Variants in DYSF observed in about 807,000 individuals in gnomAD.
The protein encoded by DYSF is dysferlin.
Under a neutral mutation model 274.9 loss-of-function variants are expected in DYSF, and 212 were observed. The ratio of observed to expected loss-of-function variants is 0.77; its 90% CI spans 0.69 to 0.86. The LOEUF is 0.86. Ranked by LOEUF, DYSF falls within the 40% of genes least tolerant of loss-of-function variation. The pLI, the probability that DYSF is intolerant of heterozygous loss-of-function variation, is 0.00. For synonymous variants in DYSF, 1,091 were observed against 1,078.7 expected (o/e 1.01, Z -0.22); for missense variants, 2,666 against 2,783.2 (o/e 0.96, Z 0.95).
At chr2:71,586,930 C>T (rs996004393) in intron 30 of DYSF, among the ~76,000 whole-genome samples, 1 of 152,156 alleles carries the variant, frequency 6.6e-6, no homozygotes, top group Non-Finnish European at 1.5e-5. Context: ...GCAGCTGAGT[C>T]CACCCCCTAT....
intron 29 of DYSF, among the ~76,000 whole-genome samples, chr2:71,571,636 AC>A (rs1451659326): frequency 5.5e-4 from 68 of 124,074 alleles, no homozygotes; most frequent in Admixed American, 9.1e-4. Flanking sequence ...CACACCCAGC[AC>A]ATGCAGAGAT....
In DYSF at chr2:71,556,003, G is replaced by A. The variant is rs201239189; in HGVS notation, c.2148G>A (p.Ala716=). 2.1e-5 allele frequency: 33 copies of A among 1,574,618 alleles called. No homozygotes were observed. Among genetic ancestry groups the A allele is most frequent in the Middle Eastern group, 3.8e-4 (2 of 5,332 alleles). ...GLEQVHLALK[A]QCSTEDVDSL... ...AGCAGGTCCACCTGGCCCTGAAGGC[G>A]CAGTGCTCCACGGAGGACGTGGACT... The change falls in exon 22 of 56, where the codon GCG becomes GCA. Residue 716 remains alanine (A), a synonymous_variant. Coordinates refer to ENST00000410020, the MANE Select transcript of DYSF (RefSeq NM_001130987.2).
intron 42 of DYSF, among the ~76,000 whole-genome samples, chr2:71,655,341 T>C (rs779973048): frequency 6.6e-6 from 1 of 152,182 alleles, no homozygotes; most frequent in African/African-American, 2.4e-5. Context: ...TTAGAAAAGA[T>C]AGAACTTGAC....
At chr2:71,487,817 G>A (rs1017352092) in intron 3 of DYSF, among the ~76,000 whole-genome samples, 12 of 152,116 alleles carry the variant, frequency 7.9e-5, no homozygotes, top group African/African-American at 2.9e-4. Context: ...TCTGATGCTG[G>A]CACTTCTGAA....
chr2:71,496,944 C>T (rs1438252763), intron 3 of DYSF, among the ~76,000 whole-genome samples: 1 of 152,176 alleles, frequency 6.6e-6, no homozygotes, highest in Non-Finnish European at 1.5e-5. Context: ...AGGAGGCTCA[C>T]TGTAGAGTTC....
Position 71,668,756 on chromosome 2 carries a change from G to T in DYSF, c.5460G>T (p.Gly1820=), listed in dbSNP as rs549937720. The stretch of plus-strand genomic sequence containing the variant: ...GAGAACGGACCCTGTCTCCGCAGGG[G>T]AAGCTGCAGATGTGGGTCGACCTAT... ...YSPLQPDIEQ[G]KLQMWVDLFP... Residue 1820 remains glycine, a splice_region_variant and synonymous_variant, in exon 49 of 56, where the codon GGG becomes GGT. Coordinates refer to ENST00000410020, the MANE Select transcript of DYSF (RefSeq NM_001130987.2). The T allele has an allele frequency of 6.2e-7, 1 of 1,613,664 alleles. No individual in the cohort carries two copies.
intron 32 of DYSF, among the ~76,000 whole-genome samples, chr2:71,596,261 CT>C (rs1179764441): frequency 6.6e-6 from 1 of 152,126 alleles, no homozygotes; most frequent in Non-Finnish European, 1.5e-5. Context: ...AGGAGTCAGC[CT>C]GCTCGGGGGC....
intron 12 of DYSF, among the ~76,000 whole-genome samples, chr2:71,525,985 G>A (rs763369555): frequency 7.2e-5 from 11 of 152,216 alleles, no homozygotes; most frequent in Non-Finnish European, 1.3e-4. Context: ...CATTACTGGA[G>A]ATGTTCCTCG....
At chr2:71,542,257 A>C (rs2089989690) in intron 17 of DYSF, among the ~76,000 whole-genome samples, 2 of 152,328 alleles carry the variant, frequency 1.3e-5, no homozygotes, top group East Asian at 3.9e-4. Flanking sequence ...GCTGTTTATC[A>C]TCATTAAGAT....
At chr2:71,519,061 C>A (rs1446575902) in intron 10 of DYSF, among the ~76,000 whole-genome samples, 2 of 130,574 alleles carry the variant, frequency 1.5e-5, no homozygotes, top group East Asian at 2.1e-4. Context: ...CCATTGCACT[C>A]CAGCCTGGAT....
intron 17 of DYSF, among the ~76,000 whole-genome samples, chr2:71,545,121 G>C (rs892058188): frequency 1.3e-5 from 2 of 152,218 alleles, no homozygotes; most frequent in African/African-American, 4.8e-5. Flanking sequence ...TAGGCTGCCA[G>C]AGGGGAAGCC....
chr2:71,455,601 T>C (rs1164421872), intron 1 of DYSF, among the ~76,000 whole-genome samples: 1 of 152,192 alleles, frequency 6.6e-6, no homozygotes, highest in Admixed American at 6.5e-5. Context: ...GGCTGAGGGC[T>C]CTGGGCTCCT....
chr2:71,647,784 T>C (rs2094590283), intron 42 of DYSF, among the ~76,000 whole-genome samples: 1 of 152,260 alleles, frequency 6.6e-6, no homozygotes, highest in African/African-American at 2.4e-5. Flanking sequence ...GGGTTTATTA[T>C]CTATTCTCTT....
chr2:71,469,541 T>C (rs2081815160), intron 1 of DYSF, among the ~76,000 whole-genome samples: 1 of 152,176 alleles, frequency 6.6e-6, no homozygotes, highest in Admixed American at 6.5e-5. Flanking sequence ...TGTGTTTGGC[T>C]CCTACAGGCA....
At chr2:71,513,398 G>T in intron 6 of DYSF, 66 bp downstream of exon 6, 1 of 1,498,956 alleles carries the variant, frequency 6.7e-7, no homozygotes, top group South Asian at 1.2e-5. Flanking sequence ...TAGCTGCCAT[G>T]GTCAGCTTGC....
intron 1 of DYSF, among the ~76,000 whole-genome samples, chr2:71,472,686 G>A (rs377241036): frequency 1.4e-3 from 209 of 152,316 alleles, no homozygotes; most frequent in African/African-American, 4.7e-3. Flanking sequence ...GATTACAGGC[G>A]TGAGCCACCG....
rs1194499179 is a variant in DYSF, at chr2:71,556,072, G to A, written c.2216+1G>A. 1.3e-6 allele frequency: 2 copies of A among 1,564,888 alleles called. No homozygotes were observed. The highest frequency in any genetic ancestry group is 1.9e-5 in the Admixed American group (1 of 52,028). On this transcript the variant is annotated splice_donor_variant, in intron 22 of 55. Coordinates refer to ENST00000410020, the MANE Select transcript of DYSF (RefSeq NM_001130987.2). LOFTEE classifies it high-confidence loss of function. Reference sequence around the variant, plus strand: ...CGGATGAGCTCATCGCAGGCTGCAGGTAGGGGGGACCTGGCGCCCCTGGTG... The same window carrying A: ...CGGATGAGCTCATCGCAGGCTGCAGATAGGGGGGACCTGGCGCCCCTGGTG...
rs62145899 is a variant in DYSF at position 71,614,736 on chromosome 2, G to T, written c.4464+1326G>T. 7.2e-5 allele frequency among the ~76,000 whole-genome samples: 11 copies of T among 152,176 alleles called. 1 individual carries two copies. Among genetic ancestry groups the T allele is most frequent in the Non-Finnish European group, 1.0e-4 (7 of 68,038 alleles). On this transcript the variant is annotated intron_variant, in intron 40 of 55. Transcript: ENST00000410020. ...GGCCTCGCTTAGCGGAGGTGTTAAT[G>T]AAAGTCTGTCTGTCTTGGCAAGTGG...
Position 71,479,718 on chromosome 2 carries a change from C to T in DYSF, c.92-1165C>T, listed in dbSNP as rs73943654. ...ACTGCTCCAGAGGAAGGGCTTCTGCCGTGCATCGTCTGGGGCACAGTGGGT... is the reference window on the plus strand; with the variant it reads ...ACTGCTCCAGAGGAAGGGCTTCTGCTGTGCATCGTCTGGGGCACAGTGGGT... On this transcript the variant is annotated intron_variant, in intron 1 of 55. Coordinates refer to ENST00000410020, the MANE Select transcript of DYSF (RefSeq NM_001130987.2). Among the ~76,000 whole-genome samples, 182 of 152,288 alleles carry T rather than the reference C, an allele frequency of 1.2e-3. 1 individual carries two copies. The highest frequency in any genetic ancestry group is 4.2e-3 in the African/African-American group (174 of 41,554).
Sources: allele counts gnomAD v4.1 joint callset (sites outside exome capture counted in the v4.1 genomes callset), GRCh38; gene constraint gnomAD v4.1.1; transcripts MANE v1.5; gene names NCBI Gene and HGNC (gene_info 2026-07-23, HGNC 2026-07-21).